CNTN4: variants seen among roughly 807,000 people sequenced by gnomAD.
CNTN4 encodes contactin 4, also known as contactin-4.
In CNTN4, 77 loss-of-function variants were observed where a neutral mutation model predicts 122.5. The observed-to-expected ratio is 0.63, with a 90% CI of 0.52 to 0.76. The LOEUF (loss-of-function observed/expected upper bound fraction) is 0.76, where lower values mean the gene tolerates loss of function less well. Ranked by LOEUF, CNTN4 falls within the 30% of genes least tolerant of loss-of-function variation. The probability of loss-of-function intolerance (pLI) is 0.00; values close to 1 mark genes in which losing one functional copy is unlikely to be tolerated. For synonymous variants in CNTN4, 512 were observed against 447.0 expected (o/e 1.15, Z -1.83); for missense variants, 1,256 against 1,259.1 (o/e 1.00, Z 0.04).
At chr3:2,282,768 G>A (rs533041730) in intron 2 of CNTN4, among the ~76,000 whole-genome samples, 5 of 152,060 alleles carry the variant, frequency 3.3e-5, no homozygotes, top group Non-Finnish European at 5.9e-5. Context: ...CTGATAATTC[G>A]ATTAAACAAA....
intron 2 of CNTN4, among the ~76,000 whole-genome samples, chr3:2,245,205 ATACT>A (rs111613652): frequency 0.014 from 2,145 of 152,110 alleles, 53 homozygotes; most frequent in African/African-American, 0.049. Context: ...ATTTTGGGAG[ATACT>A]TAGTAGAAGA....
chr3:2,172,814 C>G (rs986680925), intron 2 of CNTN4, among the ~76,000 whole-genome samples: 6 of 152,094 alleles, frequency 3.9e-5, no homozygotes, highest in Non-Finnish European at 8.8e-5. Flanking sequence ...TAGTAAAAAC[C>G]TGGATTGGAG....
At chr3:2,245,501 T>C (rs2040110187) in intron 2 of CNTN4, among the ~76,000 whole-genome samples, 1 of 152,056 alleles carries the variant, frequency 6.6e-6, no homozygotes, top group Non-Finnish European at 1.5e-5. Context: ...AGGGTGATTG[T>C]CCTGCTATAC....
intron 2 of CNTN4, among the ~76,000 whole-genome samples, chr3:2,296,697 A>C (rs1291415005): frequency 6.6e-6 from 1 of 152,028 alleles, no homozygotes; most frequent in Non-Finnish European, 1.5e-5. Flanking sequence ...ACAAAAGGGC[A>C]CAAGAAGAAT....
chr3:2,911,176 G>A (rs565483495), intron 12 of CNTN4, among the ~76,000 whole-genome samples: 1 of 143,198 alleles, frequency 7.0e-6, no homozygotes, highest in South Asian at 2.4e-4. Context: ...ACTGGGCTAT[G>A]TGGGAGGCCC....
At chr3:2,941,028 A>G (rs1457611574) in intron 13 of CNTN4, among the ~76,000 whole-genome samples, 1 of 152,240 alleles carries the variant, frequency 6.6e-6, no homozygotes, top group East Asian at 1.9e-4. Flanking sequence ...TGTTATAGAA[A>G]AAATGAGGTT....
chr3:2,405,241 T>A (rs2055481), intron 3 of CNTN4, among the ~76,000 whole-genome samples: 30,554 of 152,084 alleles, frequency 0.2, 3,850 homozygotes, highest in Middle Eastern at 0.31. Context: ...GGTACATATA[T>A]TTCCAAGCTT....
intron 3 of CNTN4, among the ~76,000 whole-genome samples, chr3:2,562,276 A>G (rs539076725): frequency 5.9e-5 from 9 of 152,266 alleles, no homozygotes; most frequent in African/African-American, 1.9e-4. Flanking sequence ...TGGGTTTGTT[A>G]CATAGGTATA....
intron 2 of CNTN4, among the ~76,000 whole-genome samples, chr3:2,162,405 G>A (rs2036004829): frequency 1.3e-5 from 2 of 152,184 alleles, no homozygotes; most frequent in African/African-American, 4.8e-5. Flanking sequence ...GGCAATTTAA[G>A]CAGGTTTTGT....
At chr3:2,874,243 T>A (rs1166502794) in intron 8 of CNTN4, among the ~76,000 whole-genome samples, 2 of 152,196 alleles carry the variant, frequency 1.3e-5, no homozygotes, top group Non-Finnish European at 2.9e-5. Flanking sequence ...AAGCATCTGT[T>A]AAGTGCTCGT....
At chr3:2,139,530 A>T (rs2034887165) in intron 2 of CNTN4, among the ~76,000 whole-genome samples, 1 of 152,192 alleles carries the variant, frequency 6.6e-6, no homozygotes, top group African/African-American at 2.4e-5. Flanking sequence ...GATATAACAT[A>T]ATGAAAAGGA....
At chr3:3,017,569 A>T (rs1697873670) in intron 14 of CNTN4, among the ~76,000 whole-genome samples, 1 of 152,174 alleles carries the variant, frequency 6.6e-6, no homozygotes, top group African/African-American at 2.4e-5. Context: ...CAGATTTGAG[A>T]CCTTTAAAGG....
intron 3 of CNTN4, among the ~76,000 whole-genome samples, chr3:2,565,966 A>G: frequency 6.6e-6 from 1 of 152,212 alleles, no homozygotes; most frequent in South Asian, 2.1e-4. Context: ...TGTTGTTCTT[A>G]CACTTAGGAG....
chr3:2,653,029 A>G (rs551171175), intron 4 of CNTN4, among the ~76,000 whole-genome samples: 2 of 152,194 alleles, frequency 1.3e-5, no homozygotes, highest in South Asian at 4.2e-4. Flanking sequence ...ATGCTGGGTA[A>G]TACTGTTTTT....
intron 3 of CNTN4, among the ~76,000 whole-genome samples, chr3:2,530,830 C>G (rs1225683304): frequency 6.6e-6 from 1 of 152,154 alleles, no homozygotes; most frequent in Non-Finnish European, 1.5e-5. Context: ...TTACTCTAAG[C>G]TTTATTGTCT....
chr3:2,924,350 T>A (rs896684226), intron 12 of CNTN4, among the ~76,000 whole-genome samples: 4 of 151,976 alleles, frequency 2.6e-5, no homozygotes, highest in Admixed American at 1.3e-4. Context: ...CACCTCAAGT[T>A]CTCCTTTAAG....
intron 10 of CNTN4, among the ~76,000 whole-genome samples, chr3:2,897,439 C>CA (rs34051316): frequency 0.72 from 106,016 of 148,144 alleles, 37,595 homozygotes; most frequent in Middle Eastern, 0.85. Context: ...GTATATATTA[C>CA]AAAAAAAAAA....
chr3:2,369,216 C>T (rs1045651154), intron 3 of CNTN4, among the ~76,000 whole-genome samples: 1 of 152,198 alleles, frequency 6.6e-6, no homozygotes, highest in African/African-American at 2.4e-5. Flanking sequence ...AGCCACCACA[C>T]CTGGCCCCAA....
rs76012024 is a variant in CNTN4, at chr3:2,796,202, C to A, written c.359-23284C>A. Among the ~76,000 whole-genome samples the A allele has an allele frequency of 8.5e-3, 1,292 of 152,194 alleles. 18 individuals are homozygous for A. The highest frequency in any genetic ancestry group is 0.03 in the African/African-American group (1,250 of 41,510). The stretch of plus-strand genomic sequence containing the variant: ...GGGACTTCAACAAGCTACACTATAA[C>A]TTATACCAACTGAAGTTGGTAGCTT... On this transcript the variant is annotated intron_variant, in intron 6 of 24. Transcript: ENST00000418658.
Sources: gnomAD v4.1 joint callset for allele counts (sites outside exome capture counted in the v4.1 genomes callset) on GRCh38, gnomAD v4.1.1 for gene constraint, MANE v1.5 for transcripts, NCBI Gene and HGNC (gene_info 2026-07-23, HGNC 2026-07-21) for gene names.